The following PCDHA12 variants were observed in gnomAD, a reference collection of about 807,000 sequenced individuals.
PCDHA12 encodes protocadherin alpha-12.
PCDHA12 carries 44 observed loss-of-function variants against 60.0 expected under a neutral mutation model. The ratio of observed to expected loss-of-function variants is 0.73; its 90% CI spans 0.58 to 0.94. The LOEUF is 0.94. PCDHA12 is among the 40% of genes least tolerant of loss of function. The pLI, the probability that PCDHA12 is intolerant of heterozygous loss-of-function variation, is 0.00. For synonymous variants in PCDHA12, 569 were observed against 553.0 expected, an observed-to-expected ratio of 1.03 and a Z score of -0.40; for missense variants, 1,276 against 1,239.7, an observed-to-expected ratio of 1.03 and a Z score of -0.44.
chr5:140,985,889 G>A (rs549796234), intron 3 of PCDHA12, among the ~76,000 whole-genome samples: 61 of 151,864 alleles, frequency 4.0e-4, no homozygotes, highest in Non-Finnish European at 5.7e-4. Context: ...ACAGGCGCCC[G>A]CCACCACTCC....
intron 1 of PCDHA12, chr5:140,969,117 A>C (rs1554231477): frequency 6.2e-7 from 1 of 1,614,178 alleles, no homozygotes; most frequent in Admixed American, 1.7e-5. Flanking sequence ...GTTCGAGGGA[A>C]TGGCTCCCTC....
At chr5:140,943,729 A>C (rs1215938127) in intron 1 of PCDHA12, among the ~76,000 whole-genome samples, 2 of 152,256 alleles carry the variant, frequency 1.3e-5, no homozygotes, top group Non-Finnish European at 2.9e-5. Context: ...TGAGAGAATG[A>C]AAGTCCACAG....
chr5:140,920,400 T>C (rs1185930806), intron 1 of PCDHA12, among the ~76,000 whole-genome samples: 1 of 152,244 alleles, frequency 6.6e-6, no homozygotes, highest in Non-Finnish European at 1.5e-5. Context: ...TGGTGTCTTT[T>C]TTTAATCAGA....
At chr5:140,997,566 T>G (rs1366934494) in intron 3 of PCDHA12, among the ~76,000 whole-genome samples, 1 of 152,208 alleles carries the variant, frequency 6.6e-6, no homozygotes, top group Non-Finnish European at 1.5e-5. Context: ...AACTGTCATA[T>G]GTGTGGTCCG....
chr5:140,967,747 A>C, intron 1 of PCDHA12: 1 of 1,614,160 alleles, frequency 6.2e-7, no homozygotes, highest in Non-Finnish European at 8.5e-7. Context: ...ATTATGAGGA[A>C]GCCTCCTCCT....
chr5:140,915,886 T>A (rs1259377999), intron 1 of PCDHA12, among the ~76,000 whole-genome samples: 2 of 152,186 alleles, frequency 1.3e-5, no homozygotes, highest in African/African-American at 4.8e-5. Context: ...GGGTAGCAAG[T>A]TCCCCCTGGC....
At chr5:140,897,486 A>G (rs183789033) in intron 1 of PCDHA12, among the ~76,000 whole-genome samples, 2 of 151,962 alleles carry the variant, frequency 1.3e-5, no homozygotes, top group Admixed American at 6.5e-5. Flanking sequence ...ATGATTTCCA[A>G]TTTCAACCAT....
At chr5:140,985,047 C>T (rs1417890181) in intron 3 of PCDHA12, among the ~76,000 whole-genome samples, 5 of 152,076 alleles carry the variant, frequency 3.3e-5, no homozygotes, top group African/African-American at 9.7e-5. Context: ...AAGTGATTCT[C>T]CTGCCTCAGC....
At chr5:140,878,107 A>G in intron 1 of PCDHA12, 1 of 256,418 alleles carries the variant, frequency 3.9e-6, no homozygotes, top group Non-Finnish European at 7.2e-6. Context: ...AACCTTGAAA[A>G]AAACAGTATA....
chr5:140,928,570 C>T (rs2085340367), intron 1 of PCDHA12: 1 of 1,614,196 alleles, frequency 6.2e-7, no homozygotes, highest in African/African-American at 1.3e-5. Context: ...GTTTCCCTTG[C>T]CCAGAAATGG....
intron 1 of PCDHA12, among the ~76,000 whole-genome samples, chr5:140,960,655 T>C (rs2153725891): frequency 6.6e-6 from 1 of 152,296 alleles, no homozygotes; most frequent in East Asian, 1.9e-4. Context: ...TCCAAATCAA[T>C]GAATGCTTTG....
At chr5:140,992,318 C>G (rs2097504992) in intron 3 of PCDHA12, among the ~76,000 whole-genome samples, 1 of 152,128 alleles carries the variant, frequency 6.6e-6, no homozygotes, top group African/African-American at 2.4e-5. Flanking sequence ...TGGGCATTCC[C>G]TTTTCTAAGA....
chr5:140,877,207 G>T lies in PCDHA12; in HGVS notation c.1735G>T (p.Glu579Ter). 1 of 1,613,796 alleles carries T rather than the reference G, an allele frequency of 6.2e-7. No homozygotes were observed. Among genetic ancestry groups the T allele is most frequent in the Non-Finnish European group, 8.5e-7 (1 of 1,179,792 alleles). ...TGGCAGCGCAGGAGGCGCAGTTAGC[G>T]AGTTGGTACCGCGGTCGGTGGGTGC... ...PAGSAGGAVS[E>*]LVPRSVGAGH... Residue 579 changes from glutamate to a stop codon, truncating the protein, a stop_gained, in exon 1 of 4, where the codon GAG (glutamate) becomes TAG (stop). Coordinates refer to ENST00000398631, the MANE Select transcript of PCDHA12 (RefSeq NM_018903.4). LOFTEE classifies it high-confidence loss of function.
intron 3 of PCDHA12, among the ~76,000 whole-genome samples, chr5:140,994,257 G>A (rs1232863771): frequency 6.6e-6 from 1 of 152,122 alleles, no homozygotes; most frequent in East Asian, 1.9e-4. Context: ...AGGTAAATAA[G>A]GTAAGCTAGG....
chr5:140,981,685 C>G lies in PCDHA12; in HGVS notation c.2427-790C>G, dbSNP rs369964011. 6.6e-4 allele frequency among the ~76,000 whole-genome samples: 101 copies of G among 152,166 alleles called. No individual in the cohort carries two copies. In the South Asian group the frequency reaches 0.018, roughly 27 times the overall value. ...TCCTTCCTTTCTTCCTTCCTCCCTT[C>G]CATCATTCATTCATTCATTCATTCA... On this transcript the variant is annotated intron_variant, in intron 2 of 3. Transcript: ENST00000398631.
intron 1 of PCDHA12, among the ~76,000 whole-genome samples, chr5:140,977,323 G>A (rs542392962): frequency 1.3e-5 from 2 of 152,324 alleles, no homozygotes; most frequent in Non-Finnish European, 1.5e-5. Context: ...GCTCCTGATG[G>A]CGAGGGGAGA....
At chr5:140,878,933 A>G (rs2057778648) in intron 1 of PCDHA12, among the ~76,000 whole-genome samples, 2 of 152,224 alleles carry the variant, frequency 1.3e-5, no homozygotes, top group Admixed American at 1.3e-4. Context: ...AATAATTTTA[A>G]ATAAATATAT....
At chr5:140,952,471 A>G (rs1324501616) in intron 1 of PCDHA12, among the ~76,000 whole-genome samples, 2 of 152,204 alleles carry the variant, frequency 1.3e-5, no homozygotes, top group African/African-American at 2.4e-5. Context: ...AAGCATAAGG[A>G]AAGTGACATT....
chr5:140,953,564 GC>G (rs543933826), intron 1 of PCDHA12, among the ~76,000 whole-genome samples: 356 of 152,176 alleles, frequency 2.3e-3, no homozygotes, highest in African/African-American at 7.9e-3. Context: ...AAGTTTTAGT[GC>G]CCTCCTCTCC....
Sources: gnomAD v4.1 joint callset for allele counts (sites outside exome capture counted in the v4.1 genomes callset) on GRCh38, gnomAD v4.1.1 for gene constraint, MANE v1.5 for transcripts, NCBI Gene and HGNC (gene_info 2026-07-23, HGNC 2026-07-21) for gene names.